The following EPHA6 variants were observed in gnomAD, a reference collection of about 807,000 sequenced individuals.
EPHA6 encodes ephrin type-A receptor 6.
Under a neutral mutation model 112.0 loss-of-function variants are expected in EPHA6, and 50 were observed. The ratio of observed to expected loss-of-function variants is 0.45; its 90% confidence interval spans 0.36 to 0.56. EPHA6 has a LOEUF of 0.56. EPHA6 is among the 20% of genes least tolerant of loss of function. EPHA6 has a pLI of 0.00. For synonymous variants in EPHA6, 529 were observed against 490.7 expected (o/e 1.08, Z -1.03); for missense variants, 1,280 against 1,417.4 (o/e 0.90, Z 1.56).
chr3:96,981,604 A>T (rs78987041), intron 2 of EPHA6, among the ~76,000 whole-genome samples: 1 of 151,952 alleles, frequency 6.6e-6, no homozygotes, highest in African/African-American at 2.4e-5. Context: ...TTTTCTATTG[A>T]TTGGAATAAT....
At chr3:97,081,708 AAAAAG>A (rs1389784241) in intron 3 of EPHA6, among the ~76,000 whole-genome samples, 3 of 151,878 alleles carry the variant, frequency 2.0e-5, no homozygotes, top group East Asian at 3.9e-4. Context: ...AGTATTATTT[AAAAAG>A]AAAAGATAAA....
chr3:97,371,323 A>C (rs867626277), intron 5 of EPHA6, among the ~76,000 whole-genome samples: 36 of 152,278 alleles, frequency 2.4e-4, no homozygotes, highest in African/African-American at 7.9e-4. Flanking sequence ...GGACTGGCTG[A>C]AGCCATGGCA....
intron 10 of EPHA6, 143 bp from the exon 11 acceptor site, chr3:97,532,215 T>C: frequency 1.5e-6 from 1 of 665,726 alleles, no homozygotes; most frequent in Non-Finnish European, 2.4e-6. Context: ...ATAAACTTAC[T>C]CTTTAAGAAA....
At chr3:97,113,573 A>G (rs1335365839) in intron 3 of EPHA6, among the ~76,000 whole-genome samples, 2 of 152,138 alleles carry the variant, frequency 1.3e-5, no homozygotes, top group African/African-American at 4.8e-5. Context: ...TCAGCAGGCA[A>G]CACTCTTTGC....
At chr3:96,829,097 G>A (rs959829064) in intron 1 of EPHA6, among the ~76,000 whole-genome samples, 2 of 152,022 alleles carry the variant, frequency 1.3e-5, no homozygotes, top group African/African-American at 4.8e-5. Context: ...TTGTGAAAGG[G>A]CACACTGAGG....
At chr3:97,595,975 G>C (rs951390923) in intron 12 of EPHA6, among the ~76,000 whole-genome samples, 3 of 144,216 alleles carry the variant, frequency 2.1e-5, no homozygotes, top group Non-Finnish European at 4.5e-5. Context: ...GCACGATCTC[G>C]GCTCACTGCA....
intron 12 of EPHA6, among the ~76,000 whole-genome samples, chr3:97,596,611 C>T (rs1210783585): frequency 6.6e-6 from 1 of 151,304 alleles, no homozygotes; most frequent in Non-Finnish European, 1.5e-5. Context: ...AAAATTAGAC[C>T]AACCTATAAG....
intron 5 of EPHA6, among the ~76,000 whole-genome samples, chr3:97,368,322 A>G (rs1044652785): frequency 2.0e-5 from 3 of 152,170 alleles, no homozygotes; most frequent in African/African-American, 7.2e-5. Flanking sequence ...AAAAGGTATT[A>G]TGTGAATAAT....
At chr3:96,871,330 A>G (rs114291844) in intron 2 of EPHA6, among the ~76,000 whole-genome samples, 6 of 152,178 alleles carry the variant, frequency 3.9e-5, no homozygotes, top group Non-Finnish European at 8.8e-5. Context: ...GGATGAAATT[A>G]TGTAATATAT....
At chr3:97,451,238 T>C (rs2090518268) in intron 7 of EPHA6, among the ~76,000 whole-genome samples, 1 of 152,000 alleles carries the variant, frequency 6.6e-6, no homozygotes, top group Admixed American at 6.6e-5. Context: ...TGACTAGTAA[T>C]ACATGCAAGA....
intron 3 of EPHA6, among the ~76,000 whole-genome samples, chr3:97,135,845 TG>T (rs1201769114): frequency 5.3e-5 from 8 of 151,274 alleles, no homozygotes; most frequent in South Asian, 2.1e-4. Flanking sequence ...AACTAGACGC[TG>T]GATTAAATGC....
In EPHA6 at chr3:97,105,279, G is replaced by A. The variant is rs554971167; in HGVS notation, c.1114+117286G>A. Among the ~76,000 whole-genome samples the A allele has an allele frequency of 9.2e-5, 14 of 152,010 alleles. No homozygotes were observed. The East Asian group carries it at 9.7e-4, about 11-fold the overall frequency. On this transcript the variant is annotated intron_variant, in intron 3 of 17. Coordinates refer to ENST00000389672, the MANE Select transcript of EPHA6 (RefSeq NM_001080448.3). ...GATGTGGGCATTTATTGCTATAAACGTCCCTCTTAACACTGTCTTAGCCCC... is the reference window on the plus strand; with the variant it reads ...GATGTGGGCATTTATTGCTATAAACATCCCTCTTAACACTGTCTTAGCCCC...
At chr3:97,518,597 C>T (rs1238449516) in intron 10 of EPHA6, among the ~76,000 whole-genome samples, 2 of 151,726 alleles carry the variant, frequency 1.3e-5, no homozygotes, top group Non-Finnish European at 2.9e-5. Context: ...ATATTCCCAT[C>T]AACAGTGTAT....
chr3:97,230,504 C>A (rs764728804), intron 4 of EPHA6, among the ~76,000 whole-genome samples: 4 of 151,872 alleles, frequency 2.6e-5, no homozygotes, highest in African/African-American at 9.7e-5. Context: ...AAAGTAGAAG[C>A]AAAGAAAGGT....
intron 14 of EPHA6, among the ~76,000 whole-genome samples, chr3:97,669,788 T>C (rs926293947): frequency 2.0e-5 from 3 of 152,232 alleles, no homozygotes; most frequent in East Asian, 1.9e-4. Flanking sequence ...TTAGTATTTT[T>C]ACTTGTTACA....
intron 5 of EPHA6, among the ~76,000 whole-genome samples, chr3:97,378,163 C>A (rs181620767): frequency 1.3e-5 from 2 of 152,234 alleles, no homozygotes; most frequent in Non-Finnish European, 2.9e-5. Flanking sequence ...TGTTGCCCTG[C>A]GTCCCAGCCC....
intron 3 of EPHA6, among the ~76,000 whole-genome samples, chr3:97,225,848 G>A (rs1413043172): frequency 6.6e-6 from 1 of 152,146 alleles, no homozygotes; most frequent in African/African-American, 2.4e-5. Context: ...AAGAACTGAA[G>A]GGAAAATAGA....
intron 3 of EPHA6, among the ~76,000 whole-genome samples, chr3:97,219,018 A>G (rs1036053739): frequency 6.6e-6 from 1 of 152,084 alleles, no homozygotes; most frequent in African/African-American, 2.4e-5. Flanking sequence ...CTGCAGAATG[A>G]TCTCCTTTGA....
chr3:97,116,296 A>T (rs1410559219), intron 3 of EPHA6, among the ~76,000 whole-genome samples: 2 of 151,742 alleles, frequency 1.3e-5, no homozygotes, highest in Admixed American at 6.6e-5. Context: ...TATACATTTT[A>T]AAATGATGAC....
Sources: gnomAD v4.1 joint callset for allele counts (sites outside exome capture counted in the v4.1 genomes callset) on GRCh38, gnomAD v4.1.1 for gene constraint, MANE v1.5 for transcripts, NCBI Gene and HGNC (gene_info 2026-07-23, HGNC 2026-07-21) for gene names.